RPS6KA5: variants seen among roughly 807,000 people sequenced by gnomAD.
RPS6KA5 encodes the protein ribosomal protein S6 kinase A5, also known as ribosomal protein S6 kinase alpha-5.
A neutral mutation model predicts 85.5 loss-of-function variants in RPS6KA5; 27 were observed. That is an observed-to-expected ratio of 0.32 (90% CI 0.23 to 0.44). The LOEUF (loss-of-function observed/expected upper bound fraction) is 0.44. Among genes scored for constraint, RPS6KA5 ranks in the 20% least tolerant of loss-of-function variants. RPS6KA5 has a pLI of 1.00. For missense variants in RPS6KA5, 811 were observed against 980.9 expected (o/e 0.83, Z 2.31); for synonymous variants, 334 against 348.2 (o/e 0.96, Z 0.46).
At chr14:91,047,619 CTT>C (rs2042927662) in intron 1 of RPS6KA5, among the ~76,000 whole-genome samples, 1 of 152,196 alleles carries the variant, frequency 6.6e-6, no homozygotes, top group African/African-American at 2.4e-5. Flanking sequence ...TTAATCCAAT[CTT>C]AGTAAGTTGT....
chr14:90,919,482 C>T (rs1375332335), intron 7 of RPS6KA5, among the ~76,000 whole-genome samples: 1 of 152,064 alleles, frequency 6.6e-6, no homozygotes, highest in African/African-American at 2.4e-5. Flanking sequence ...CTCAAAGTTA[C>T]AAAATTCAAG....
intron 1 of RPS6KA5, among the ~76,000 whole-genome samples, chr14:91,047,134 T>C (rs916505904): frequency 6.6e-6 from 1 of 152,112 alleles, no homozygotes; most frequent in African/African-American, 2.4e-5. Flanking sequence ...TATGTTTATA[T>C]ATAAATGTAC....
rs531921814 is a variant in RPS6KA5 at position 90,899,392 on chromosome 14, T to A, written c.1410A>T (p.Thr470=). 27 of 1,613,588 alleles carry A rather than the reference T, an allele frequency of 1.7e-5. No homozygotes were observed. The highest frequency in any genetic ancestry group is 2.3e-5 in the Non-Finnish European group (27 of 1,179,790). ...RMEANTQKEI[T]ALKLCEGHPN... is the part of the protein sequence containing the mutation. ...GGTGTCCTTCACAGAGTTTCAGAGC[T>A]GTTATTTCCTTTTGAGTATTGGCTT... Residue 470 remains threonine, a synonymous_variant, in exon 12 of 17, where the codon ACA becomes ACT. Coordinates refer to ENST00000614987, the MANE Select transcript of RPS6KA5 (RefSeq NM_004755.4).
intron 3 of RPS6KA5, among the ~76,000 whole-genome samples, chr14:90,964,866 G>C (rs1162619047): frequency 1.5e-5 from 2 of 136,856 alleles, no homozygotes; most frequent in Non-Finnish European, 3.1e-5. Context: ...AGTGGGCCAT[G>C]ATAGTGCCAC....
intron 2 of RPS6KA5, among the ~76,000 whole-genome samples, chr14:90,981,753 C>CCACAT (rs2140490714): frequency 6.6e-6 from 1 of 152,364 alleles, no homozygotes; most frequent in Admixed American, 6.5e-5. Context: ...CAATGCTTCA[C>CCACAT]CACATGGTAA....
intron 5 of RPS6KA5, among the ~76,000 whole-genome samples, chr14:90,925,607 T>C (rs139962124): frequency 3.8e-4 from 58 of 152,150 alleles, no homozygotes; most frequent in African/African-American, 1.3e-3. Flanking sequence ...AGCGCTGATG[T>C]CTTGATATTA....
At chr14:90,873,379 T>C (rs1179559663) in intron 16 of RPS6KA5, among the ~76,000 whole-genome samples, 3 of 152,192 alleles carry the variant, frequency 2.0e-5, no homozygotes, top group Non-Finnish European at 4.4e-5. Flanking sequence ...AGTTCTATTA[T>C]CTCATCTCAT....
intron 2 of RPS6KA5, among the ~76,000 whole-genome samples, chr14:90,979,536 C>T (rs1371917125): frequency 2.0e-5 from 3 of 152,198 alleles, no homozygotes; most frequent in Non-Finnish European, 4.4e-5. Flanking sequence ...CATTTACCAC[C>T]TAATTCTATT....
Position 90,957,979 on chromosome 14 carries a change from A to G in RPS6KA5, c.395-10429T>C, listed in dbSNP as rs751186967. ...CAACACAGCCAGACCTCTTCCCTAG[A>G]AAAAAAATAAAAATAAAAAATAAAA... On this transcript the variant is annotated intron_variant, in intron 3 of 16. Transcript: ENST00000614987. Among the ~76,000 whole-genome samples the G allele has an allele frequency of 5.4e-4, 82 of 151,760 alleles. 1 individual carries two copies. The Middle Eastern group carries it at 0.01, about 19-fold the overall frequency.
chr14:90,864,649 T>C lies in RPS6KA5; in HGVS notation c.*7425A>G, dbSNP rs1696011943. On this transcript the variant is annotated 3_prime_UTR_variant, in exon 17 of 17. Transcript: ENST00000614987. The stretch of plus-strand genomic sequence containing the variant: ...AAAATATCAGACAAAAACCCTCATA[T>C]CCATAAAATATAAAAGACTCCTGCA... The C allele has an allele frequency of 6.6e-6, 1 of 151,754 alleles. No individual in the cohort carries two copies. The highest frequency in any genetic ancestry group is 2.1e-4 in the South Asian group (1 of 4,806). 9.4% of individuals were successfully genotyped at this position (151,754 alleles called of 1,614,324 possible). A position where few individuals can be genotyped will look rare whatever the true frequency, so the allele number is the denominator to read the frequency against.
intron 9 of RPS6KA5, 23 bp downstream of exon 9, chr14:90,902,785 A>G (rs749591878): frequency 1.2e-6 from 2 of 1,606,468 alleles, no homozygotes; most frequent in Non-Finnish European, 1.7e-6. Flanking sequence ...GCCAATGTGC[A>G]TGTGCACAGG....
chr14:90,964,304 A>G (rs2140430675), intron 3 of RPS6KA5, among the ~76,000 whole-genome samples: 1 of 152,304 alleles, frequency 6.6e-6, no homozygotes, highest in African/African-American at 2.4e-5. Context: ...TACCTCATCT[A>G]TAAAACAAAG....
intron 1 of RPS6KA5, among the ~76,000 whole-genome samples, chr14:91,026,536 C>A (rs1397311082): frequency 6.6e-6 from 1 of 152,198 alleles, no homozygotes; most frequent in African/African-American, 2.4e-5. Flanking sequence ...AACATACGTA[C>A]ATTTTCTTTA....
At chr14:90,884,620 C>T (rs954066788) in intron 14 of RPS6KA5, among the ~76,000 whole-genome samples, 5 of 152,198 alleles carry the variant, frequency 3.3e-5, no homozygotes, top group Non-Finnish European at 5.9e-5. Context: ...AAAATAGTTA[C>T]GTCAGAGAGA....
intron 1 of RPS6KA5, among the ~76,000 whole-genome samples, chr14:91,027,755 G>T (rs2139822979): frequency 1.3e-5 from 2 of 152,274 alleles, no homozygotes; most frequent in South Asian, 4.1e-4. Flanking sequence ...GCCAGTTGAT[G>T]AAGTAGTGGA....
At chr14:90,983,759 ACTTT>A (rs943480580) in intron 2 of RPS6KA5, among the ~76,000 whole-genome samples, 11 of 150,342 alleles carry the variant, frequency 7.3e-5, no homozygotes, top group East Asian at 2.0e-4. Flanking sequence ...TTCTAAACAC[ACTTT>A]CTTTCTTTCC....
intron 8 of RPS6KA5, among the ~76,000 whole-genome samples, chr14:90,904,091 A>G (rs2035355337): frequency 6.6e-6 from 1 of 152,140 alleles, no homozygotes; most frequent in Non-Finnish European, 1.5e-5. Flanking sequence ...CTGGGACTAC[A>G]GGCGACCGCC....
At chr14:91,052,595 C>T (rs912678381) in intron 1 of RPS6KA5, 5 of 177,636 alleles carry the variant, frequency 2.8e-5, no homozygotes, top group South Asian at 9.5e-5. Context: ...GAGGCCAAGG[C>T]GGATGGATCA....
intron 2 of RPS6KA5, among the ~76,000 whole-genome samples, chr14:90,980,347 C>G (rs2140486231): frequency 1.3e-5 from 2 of 152,274 alleles, no homozygotes; most frequent in Admixed American, 1.3e-4. Context: ...TTCCTAACTC[C>G]AGAGCACTAT....
Sources: allele counts gnomAD v4.1 joint callset (sites outside exome capture counted in the v4.1 genomes callset), GRCh38; gene constraint gnomAD v4.1.1; transcripts MANE v1.5; gene names NCBI Gene and HGNC (gene_info 2026-07-23, HGNC 2026-07-21).